The following DOCK5 variants were observed in gnomAD, a reference collection of about 807,000 sequenced individuals.
DOCK5 encodes the protein dedicator of cytokinesis protein 5.
Under a neutral mutation model 251.8 loss-of-function variants are expected in DOCK5, and 142 were observed. That is an observed-to-expected ratio of 0.56 (90% CI 0.49 to 0.65). The LOEUF (loss-of-function observed/expected upper bound fraction) is 0.65. Among genes scored for constraint, DOCK5 ranks in the 30% least tolerant of loss-of-function variants. The pLI is 0.00. For synonymous variants in DOCK5, 842 were observed against 835.5 expected (o/e 1.01, Z -0.13); for missense variants, 2,111 against 2,312.3 (o/e 0.91, Z 1.79).
chr8:25,399,452 G>A (rs149215495), intron 45 of DOCK5, among the ~76,000 whole-genome samples: 50 of 152,314 alleles, frequency 3.3e-4, no homozygotes, highest in African/African-American at 1.2e-3. Flanking sequence ...GGAAAAAAGC[G>A]TGATATAGCC....
intron 1 of DOCK5, among the ~76,000 whole-genome samples, chr8:25,200,678 G>A (rs969482268): frequency 3.9e-5 from 6 of 152,178 alleles, no homozygotes; most frequent in Non-Finnish European, 8.8e-5. Context: ...TAGACCATCT[G>A]TAATTTAATA....
At chr8:25,217,865 C>T (rs1802287866) in intron 1 of DOCK5, among the ~76,000 whole-genome samples, 1 of 152,220 alleles carries the variant, frequency 6.6e-6, no homozygotes, top group African/African-American at 2.4e-5. Flanking sequence ...GACTCTCTAA[C>T]ATTTGCAATC....
Position 25,382,769 on chromosome 8 carries a change from T to C in DOCK5, c.4122T>C (p.Ser1374=). The change falls in exon 40 of 52, where the codon TCT becomes TCC. Residue 1374 remains serine, a synonymous_variant. Coordinates refer to ENST00000276440, the MANE Select transcript of DOCK5 (RefSeq NM_024940.8). The part of the protein sequence containing the change: ...AVGYYGQGFP[S]FLRNKIFIYR... ...GATACTATGGACAGGGCTTTCCTTC[T>C]TTCCTACGGGTAAGAAACCTGATGG... is the stretch of plus-strand genomic sequence containing the variant. 1 of 1,613,020 alleles carries C rather than the reference T, an allele frequency of 6.2e-7. No homozygotes were observed. Among genetic ancestry groups the C allele is most frequent in the Non-Finnish European group, 8.5e-7 (1 of 1,179,398 alleles).
intron 46 of DOCK5, among the ~76,000 whole-genome samples, chr8:25,400,513 A>G (rs1232657190): frequency 1.3e-4 from 19 of 151,692 alleles, no homozygotes; most frequent in African/African-American, 4.6e-4. Flanking sequence ...AAAAAAAAAG[A>G]AAAGTTCATC....
At chr8:25,274,402 G>A (rs922788186) in intron 3 of DOCK5, among the ~76,000 whole-genome samples, 9 of 152,190 alleles carry the variant, frequency 5.9e-5, no homozygotes, top group South Asian at 2.1e-4. Context: ...CACTGTCTCC[G>A]GATGACATCT....
chr8:25,389,919 C>G (rs1000785630), intron 41 of DOCK5, among the ~76,000 whole-genome samples: 1 of 150,310 alleles, frequency 6.7e-6, no homozygotes, highest in Admixed American at 6.6e-5. Context: ...TTCTAAGTAC[C>G]TATTTCCTGA....
intron 2 of DOCK5, among the ~76,000 whole-genome samples, chr8:25,244,552 G>A (rs1803045589): frequency 6.6e-6 from 1 of 152,232 alleles, no homozygotes; most frequent in Non-Finnish European, 1.5e-5. Flanking sequence ...AAATGAGGTG[G>A]AAATTAGGCA....
At chr8:25,394,240 T>A (rs182267116) in intron 44 of DOCK5, among the ~76,000 whole-genome samples, 132 of 152,198 alleles carry the variant, frequency 8.7e-4, no homozygotes, top group Non-Finnish European at 1.5e-3. Context: ...GAAAAAAAAA[T>A]TAGACATTAT....
rs993193972 is a variant in DOCK5 at position 25,389,135 on chromosome 8, G to A, written c.4176G>A (p.Glu1392=). ...GGGGAAAGGAGTATGAGAGGCGAGAGGACTTCAGCCTGAGGTTGTTAACCC... is the reference window on the plus strand; with the variant it reads ...GGGGAAAGGAGTATGAGAGGCGAGAAGACTTCAGCCTGAGGTTGTTAACCC... ...IYRGKEYERR[E]DFSLRLLTQF... Residue 1392 remains glutamate, a synonymous_variant, in exon 41 of 52, where the codon GAG becomes GAA. Transcript: ENST00000276440. 1 of 1,613,984 alleles carries A rather than the reference G, an allele frequency of 6.2e-7. No homozygotes were observed. The highest frequency in any genetic ancestry group is 1.7e-5 in the Admixed American group (1 of 60,024).
intron 12 of DOCK5, among the ~76,000 whole-genome samples, chr8:25,310,185 T>A (rs1400693084): frequency 1.3e-5 from 2 of 152,154 alleles, no homozygotes; most frequent in African/African-American, 2.4e-5. Flanking sequence ...TACCCCTTTT[T>A]TCCCCCAAAG....
At chr8:25,290,192 T>A (rs1481189350) in intron 5 of DOCK5, among the ~76,000 whole-genome samples, 1 of 152,102 alleles carries the variant, frequency 6.6e-6, no homozygotes, top group Non-Finnish European at 1.5e-5. Flanking sequence ...TTAAAAAAAA[T>A]TAAAATGAAG....
At chr8:25,395,435 T>C in intron 44 of DOCK5, 108 bp from the exon 45 acceptor site, 1 of 1,235,566 alleles carries the variant, frequency 8.1e-7, no homozygotes, top group Non-Finnish European at 1.1e-6. Flanking sequence ...TTCCCTTTTC[T>C]ATAGCTTGTG....
intron 26 of DOCK5, among the ~76,000 whole-genome samples, chr8:25,349,637 CATT>C (rs1284774769): frequency 6.6e-6 from 1 of 152,106 alleles, no homozygotes; most frequent in African/African-American, 2.4e-5. Context: ...AGATGGAGGC[CATT>C]ATTCTAAGTG....
intron 42 of DOCK5, among the ~76,000 whole-genome samples, chr8:25,391,028 C>T (rs1162489657): frequency 2.0e-5 from 3 of 151,836 alleles, no homozygotes; most frequent in African/African-American, 7.3e-5. Context: ...AGGCTGGTCT[C>T]AAACTCCTGA....
chr8:25,399,510 T>G (rs1180216301), intron 45 of DOCK5, among the ~76,000 whole-genome samples: 1 of 152,188 alleles, frequency 6.6e-6, no homozygotes, highest in Non-Finnish European at 1.5e-5. Context: ...CTTCTGTTTT[T>G]TAACTTTTTG....
intron 28 of DOCK5, among the ~76,000 whole-genome samples, chr8:25,359,770 C>T (rs1800643766): frequency 6.6e-6 from 1 of 152,182 alleles, no homozygotes; most frequent in South Asian, 2.1e-4. Context: ...GAAACCTGTC[C>T]CTGGTGCCAA....
intron 48 of DOCK5, among the ~76,000 whole-genome samples, chr8:25,406,699 C>T (rs1189600669): frequency 6.6e-6 from 1 of 151,896 alleles, no homozygotes; most frequent in Non-Finnish European, 1.5e-5. Flanking sequence ...GCAATCTCGG[C>T]TCGCTGCAAC....
At chr8:25,267,925 T>A (rs1246565840) in intron 2 of DOCK5, among the ~76,000 whole-genome samples, 1 of 151,872 alleles carries the variant, frequency 6.6e-6, no homozygotes, top group Admixed American at 6.6e-5. Context: ...TGCAGTGGTA[T>A]AATCTCGGCT....
intron 2 of DOCK5, among the ~76,000 whole-genome samples, chr8:25,244,600 C>G (rs981544684): frequency 6.6e-6 from 1 of 152,160 alleles, no homozygotes; most frequent in Non-Finnish European, 1.5e-5. Context: ...GGTCTAGCCC[C>G]CATGTAAACC....
Sources: gnomAD v4.1 joint callset for allele counts (sites outside exome capture counted in the v4.1 genomes callset) on GRCh38, gnomAD v4.1.1 for gene constraint, MANE v1.5 for transcripts, NCBI Gene and HGNC (gene_info 2026-07-23, HGNC 2026-07-21) for gene names.